LRRTM4: variants seen among roughly 807,000 people sequenced by gnomAD.
The protein encoded by LRRTM4 is leucine-rich repeat transmembrane neuronal protein 4.
Under a neutral mutation model 47.6 loss-of-function variants are expected in LRRTM4, and 25 were observed. The observed-to-expected ratio is 0.53, with a 90% CI of 0.38 to 0.73. The LOEUF is 0.73. LRRTM4 is among the 30% of genes least tolerant of loss of function. LRRTM4 has a pLI of 0.00. For synonymous variants in LRRTM4, 311 were observed against 269.5 expected, an observed-to-expected ratio of 1.15 and a Z score of -1.51; for missense variants, 638 against 713.4, an observed-to-expected ratio of 0.89 and a Z score of 1.20.
chr2:77,450,554 A>G (rs80154104), intron 3 of LRRTM4, among the ~76,000 whole-genome samples: 1,598 of 152,262 alleles, frequency 0.01, 32 homozygotes, highest in African/African-American at 0.036. Context: ...AAGTGTATTT[A>G]TTCTACACCT....
chr2:77,053,661 C>T (rs1679512359), intron 3 of LRRTM4, among the ~76,000 whole-genome samples: 1 of 151,988 alleles, frequency 6.6e-6, no homozygotes. Flanking sequence ...CAAAAGTCCC[C>T]TTTTATCTGC....
intron 3 of LRRTM4, among the ~76,000 whole-genome samples, chr2:76,825,205 C>T (rs1483736167): frequency 6.6e-6 from 1 of 151,588 alleles, no homozygotes; most frequent in Non-Finnish European, 1.5e-5. Context: ...ACATAATCTG[C>T]TTTACATTTC....
chr2:76,998,996 C>A (rs1019002501), intron 3 of LRRTM4, among the ~76,000 whole-genome samples: 1 of 140,774 alleles, frequency 7.1e-6, no homozygotes, highest in Admixed American at 7.0e-5. Context: ...TCCTATCAGT[C>A]TAACTTAGAG....
At chr2:76,794,105 A>G (rs1229749330) in intron 3 of LRRTM4, among the ~76,000 whole-genome samples, 2 of 152,200 alleles carry the variant, frequency 1.3e-5, no homozygotes, top group South Asian at 2.1e-4. Flanking sequence ...CACATCCCAC[A>G]TGGAGCGAAG....
At chr2:76,772,661 T>C (rs1673762271) in intron 3 of LRRTM4, among the ~76,000 whole-genome samples, 1 of 152,194 alleles carries the variant, frequency 6.6e-6, no homozygotes, top group Non-Finnish European at 1.5e-5. Context: ...CTCCACTCCT[T>C]TGAGGTACAG....
intron 3 of LRRTM4, among the ~76,000 whole-genome samples, chr2:77,384,906 A>G (rs904047600): frequency 2.6e-5 from 4 of 152,108 alleles, no homozygotes; most frequent in African/African-American, 9.6e-5. Context: ...TTCATGTTAT[A>G]CAAATATGCT....
chr2:77,202,195 T>C (rs1399936990), intron 3 of LRRTM4, among the ~76,000 whole-genome samples: 2 of 152,168 alleles, frequency 1.3e-5, no homozygotes, highest in East Asian at 1.9e-4. Context: ...TGTAAACTTA[T>C]CAAATTTCTT....
intron 3 of LRRTM4, among the ~76,000 whole-genome samples, chr2:77,001,350 GAATAT>G (rs1677420181): frequency 6.6e-6 from 1 of 152,086 alleles, no homozygotes; most frequent in African/African-American, 2.4e-5. Context: ...CTGAAATGAT[GAATAT>G]ATTACATGGA....
chr2:77,498,641 C>T (rs995510708), intron 3 of LRRTM4, among the ~76,000 whole-genome samples: 1 of 150,832 alleles, frequency 6.6e-6, no homozygotes, highest in Non-Finnish European at 1.5e-5. Flanking sequence ...TACTCAGAGA[C>T]CCTGTGAGAT....
chr2:76,912,184 G>A (rs6727902), intron 3 of LRRTM4, among the ~76,000 whole-genome samples: 12,350 of 152,126 alleles, frequency 0.081, 1,177 homozygotes, highest in African/African-American at 0.22. Context: ...CTCCCAAAGT[G>A]CTAGGATTAC....
At chr2:76,927,711 G>A (rs1674632336) in intron 3 of LRRTM4, among the ~76,000 whole-genome samples, 1 of 151,986 alleles carries the variant, frequency 6.6e-6, no homozygotes, top group Non-Finnish European at 1.5e-5. Context: ...TGTGTATTAT[G>A]TCCTCAGTTT....
intron 3 of LRRTM4, among the ~76,000 whole-genome samples, chr2:77,030,999 G>C (rs1442317832): frequency 6.6e-6 from 1 of 152,136 alleles, no homozygotes; most frequent in African/African-American, 2.4e-5. Context: ...TCACTGGACA[G>C]TGGGATTTAT....
intron 3 of LRRTM4, among the ~76,000 whole-genome samples, chr2:76,938,652 A>G (rs1361335210): frequency 6.6e-6 from 1 of 152,144 alleles, no homozygotes; most frequent in Non-Finnish European, 1.5e-5. Flanking sequence ...CATTTGAAAA[A>G]GTTTAGATAT....
At chr2:76,915,794 TAAGA>T (rs949087090) in intron 3 of LRRTM4, among the ~76,000 whole-genome samples, 16 of 152,288 alleles carry the variant, frequency 1.1e-4, no homozygotes, top group East Asian at 3.9e-4. Context: ...TAAATAGTTA[TAAGA>T]AAGTGAAGAA....
At chr2:76,805,900 AC>A (rs1301886814) in intron 3 of LRRTM4, among the ~76,000 whole-genome samples, 1 of 152,126 alleles carries the variant, frequency 6.6e-6, no homozygotes, top group Non-Finnish European at 1.5e-5. Context: ...TCCCTTAGGC[AC>A]AAGCTCTAAT....
chr2:77,292,065 C>T (rs1251777947), intron 3 of LRRTM4, among the ~76,000 whole-genome samples: 5 of 152,002 alleles, frequency 3.3e-5, no homozygotes, highest in Non-Finnish European at 7.4e-5. Flanking sequence ...CAAAAGAAGA[C>T]ATTTATGCAG....
rs115136762 is a variant in LRRTM4, at chr2:76,895,815, G to A, written c.1552-146899C>T. Among the ~76,000 whole-genome samples the A allele has an allele frequency of 2.1e-3, 326 of 152,174 alleles. 1 individual carries two copies. Among genetic ancestry groups the A allele is most frequent in the African/African-American group, 7.6e-3 (315 of 41,550 alleles). ...AATGGCTAACTTCCATGCAGTCTGT[G>A]GAGGGTGGTAACACAACCCCGATTA... On this transcript the variant is annotated intron_variant, in intron 3 of 3. Transcript: ENST00000409884.
At chr2:77,248,768 C>T (rs1200471743) in intron 3 of LRRTM4, among the ~76,000 whole-genome samples, 1 of 151,888 alleles carries the variant, frequency 6.6e-6, no homozygotes, top group African/African-American at 2.4e-5. Context: ...TGATCTTTGA[C>T]AAAGGAACAA....
chr2:76,811,889 CTG>C (rs146792953), intron 3 of LRRTM4, among the ~76,000 whole-genome samples: 4,432 of 152,162 alleles, frequency 0.029, 200 homozygotes, highest in African/African-American at 0.088. Flanking sequence ...ACATGTAAAA[CTG>C]AATTTCTTTC....
Sources: gnomAD v4.1 joint callset for allele counts (sites outside exome capture counted in the v4.1 genomes callset) on GRCh38, gnomAD v4.1.1 for gene constraint, MANE v1.5 for transcripts, NCBI Gene and HGNC (gene_info 2026-07-23, HGNC 2026-07-21) for gene names.